Variants in GLG1 observed in about 807,000 individuals in gnomAD.
The protein encoded by GLG1 is golgi glycoprotein 1, also known as Golgi apparatus protein 1.
Under a neutral mutation model 160.5 loss-of-function variants are expected in GLG1, and 38 were observed. The ratio of observed to expected loss-of-function variants is 0.24; its 90% CI spans 0.18 to 0.31. GLG1 has a LOEUF of 0.31. GLG1 is among the 10% of genes least tolerant of loss of function. GLG1 has a pLI of 1.00. For synonymous variants in GLG1, 644 were observed against 543.4 expected, an observed-to-expected ratio of 1.19 and a Z score of -2.57; for missense variants, 1,373 against 1,505.2, an observed-to-expected ratio of 0.91 and a Z score of 1.45.
At position 74,452,395 on chromosome 16, in the gene GLG1, C is replaced by T; in HGVS notation, c.*772G>A. On this transcript the variant is annotated 3_prime_UTR_variant, in exon 26 of 26. Transcript: ENST00000422840. ...TGCAGATGGATGGACTGTTCAACTT[C>T]ACAAACTTCCGGTCCCTTCCCCTCC... 8.1e-7 allele frequency: 1 copy of T among 1,234,692 alleles called. No homozygotes were observed. The highest frequency in any genetic ancestry group is 1.0e-6 in the Non-Finnish European group (1 of 978,352). 76.5% of individuals were successfully genotyped at this position (1,234,692 alleles called of 1,614,324 possible).
At chr16:74,534,791 T>C (rs1401016554) in intron 1 of GLG1, among the ~76,000 whole-genome samples, 2 of 152,126 alleles carry the variant, frequency 1.3e-5, no homozygotes, top group Non-Finnish European at 1.5e-5. Context: ...GCAAAAGAGA[T>C]GAAAAGCAAG....
chr16:74,521,242 G>A (rs990253754), intron 2 of GLG1, among the ~76,000 whole-genome samples: 5 of 152,146 alleles, frequency 3.3e-5, no homozygotes, highest in African/African-American at 7.2e-5. Flanking sequence ...GTATTTGCAC[G>A]CTTGCAGGGC....
intron 2 of GLG1, among the ~76,000 whole-genome samples, chr16:74,520,354 T>C (rs1434155871): frequency 6.6e-6 from 1 of 152,170 alleles, no homozygotes; most frequent in African/African-American, 2.4e-5. Context: ...TAAAAACACG[T>C]GGCCGGAGAC....
intron 3 of GLG1, among the ~76,000 whole-genome samples, chr16:74,508,196 A>G (rs2016681597): frequency 6.6e-6 from 1 of 151,688 alleles, no homozygotes; most frequent in Non-Finnish European, 1.5e-5. Flanking sequence ...GACAATTAGT[A>G]TGGTGTGAGA....
chr16:74,453,649 G>C (rs952083140), intron 25 of GLG1, among the ~76,000 whole-genome samples: 2 of 152,130 alleles, frequency 1.3e-5, no homozygotes, highest in African/African-American at 4.8e-5. Context: ...GGCTCCCCCT[G>C]CCCTCACTCA....
At chr16:74,536,026 C>T (rs887087784) in intron 1 of GLG1, among the ~76,000 whole-genome samples, 1 of 151,958 alleles carries the variant, frequency 6.6e-6, no homozygotes, top group Non-Finnish European at 1.5e-5. Flanking sequence ...AATAAATGAA[C>T]TCGAGAAAGT....
At chr16:74,588,546 A>G (rs902166859) in intron 1 of GLG1, among the ~76,000 whole-genome samples, 9 of 151,964 alleles carry the variant, frequency 5.9e-5, no homozygotes, top group Admixed American at 5.2e-4. Context: ...CAGCCTCACA[A>G]GTAGCCAGGA....
At chr16:74,537,066 A>G (rs1291561498) in intron 1 of GLG1, among the ~76,000 whole-genome samples, 1 of 152,374 alleles carries the variant, frequency 6.6e-6, no homozygotes, top group East Asian at 1.9e-4. Flanking sequence ...AAAGTTATGA[A>G]AAGTATAATA....
At chr16:74,548,805 G>A (rs2018118999) in intron 1 of GLG1, among the ~76,000 whole-genome samples, 1 of 152,070 alleles carries the variant, frequency 6.6e-6, no homozygotes, top group Non-Finnish European at 1.5e-5. Flanking sequence ...AGACCAGCCT[G>A]GCCAATATGG....
At chr16:74,465,939 G>A (rs1331585513) in intron 18 of GLG1, 126 bp from the exon 19 acceptor site, 7 of 832,208 alleles carry the variant, frequency 8.4e-6, no homozygotes, top group East Asian at 2.5e-5. Context: ...CCAGGCAATC[G>A]GAATCAGGAT....
intron 1 of GLG1, among the ~76,000 whole-genome samples, chr16:74,576,619 G>T (rs940377780): frequency 6.6e-6 from 1 of 152,142 alleles, no homozygotes; most frequent in African/African-American, 2.4e-5. Context: ...CTGTCCCTTG[G>T]ACTACAGTTT....
At chr16:74,488,415 C>T (rs1190240757) in intron 8 of GLG1, among the ~76,000 whole-genome samples, 7 of 151,908 alleles carry the variant, frequency 4.6e-5, no homozygotes. Flanking sequence ...AAAATAAGCT[C>T]CCCCAAAATG....
chr16:74,511,996 A>G (rs952227176), intron 2 of GLG1, among the ~76,000 whole-genome samples: 2 of 151,988 alleles, frequency 1.3e-5, no homozygotes, highest in African/African-American at 4.8e-5. Flanking sequence ...AAAGTGTACA[A>G]TTCAGTGGTT....
At chr16:74,606,528 A>C (rs1297852929) in intron 1 of GLG1, 129 bp downstream of exon 1, 1 of 710,962 alleles carries the variant, frequency 1.4e-6, no homozygotes, top group Non-Finnish European at 2.3e-6. Context: ...AGGAGCAAAG[A>C]GGGAAGGAGC....
intron 3 of GLG1, among the ~76,000 whole-genome samples, chr16:74,505,044 G>T (rs1399668166): frequency 6.6e-6 from 1 of 152,202 alleles, no homozygotes; most frequent in Non-Finnish European, 1.5e-5. Context: ...TGTTTATTTT[G>T]AATATAAACA....
At chr16:74,582,365 C>CA (rs1957957131) in intron 1 of GLG1, among the ~76,000 whole-genome samples, 1 of 152,030 alleles carries the variant, frequency 6.6e-6, no homozygotes, top group Admixed American at 6.5e-5. Context: ...GGGGTTTCAT[C>CA]ACGTTGGTCA....
chr16:74,575,681 C>T (rs2018982200), intron 1 of GLG1, among the ~76,000 whole-genome samples: 1 of 152,296 alleles, frequency 6.6e-6, no homozygotes, highest in Non-Finnish European at 1.5e-5. Flanking sequence ...TCACTGCAAC[C>T]TCTGCCTCCC....
intron 2 of GLG1, among the ~76,000 whole-genome samples, chr16:74,514,732 T>G (rs1436011809): frequency 1.3e-5 from 2 of 152,070 alleles, no homozygotes; most frequent in Non-Finnish European, 2.9e-5. Context: ...ACTGCATCAA[T>G]TAACGGTCGA....
rs2016495643 is a variant in GLG1 at position 74,503,645 on chromosome 16, A to G, written c.660T>C (p.Ile220=). 3 of 1,612,658 alleles carry G rather than the reference A, an allele frequency of 1.9e-6. No homozygotes were observed. The highest frequency in any genetic ancestry group is 2.5e-6 in the Non-Finnish European group (3 of 1,178,630). ...TAAAAATGATGGCCGTCATCTTGGTAATGTACTGGTGACACTGATACTCAG... is the reference window on the plus strand; with the variant it reads ...TAAAAATGATGGCCGTCATCTTGGTGATGTACTGGTGACACTGATACTCAG... ...NITEYQCHQY[I]TKMTAIIFSD... Residue 220 remains isoleucine, a synonymous_variant, in exon 4 of 26, where the codon ATT becomes ATC. Coordinates refer to ENST00000422840, the MANE Select transcript of GLG1 (RefSeq NM_001145667.2).
Sources: gnomAD v4.1 joint callset for allele counts (sites outside exome capture counted in the v4.1 genomes callset) on GRCh38, gnomAD v4.1.1 for gene constraint, MANE v1.5 for transcripts, NCBI Gene and HGNC (gene_info 2026-07-23, HGNC 2026-07-21) for gene names.